TTC28: variants seen among roughly 807,000 people sequenced by gnomAD.
TTC28 encodes tetratricopeptide repeat domain 28, also known as tetratricopeptide repeat protein 28.
In TTC28, 61 loss-of-function variants were observed where a neutral mutation model predicts 198.0. The observed-to-expected ratio is 0.31, with a 90% confidence interval of 0.25 to 0.38. The LOEUF (loss-of-function observed/expected upper bound fraction) is 0.38. Ranked by LOEUF, TTC28 falls within the 10% of genes least tolerant of loss-of-function variation. The pLI is 1.00. For missense variants in TTC28, 2,678 were observed against 3,164.0 expected, an observed-to-expected ratio of 0.85 and a Z score of 3.69; for synonymous variants, 1,171 against 1,297.8, an observed-to-expected ratio of 0.90 and a Z score of 2.10.
chr22:28,318,714 C>T (rs1326636183), intron 2 of TTC28, among the ~76,000 whole-genome samples: 1 of 151,148 alleles, frequency 6.6e-6, no homozygotes, highest in Non-Finnish European at 1.5e-5. Flanking sequence ...TTTTCTTTTC[C>T]TGTTTTTTCA....
intron 2 of TTC28, among the ~76,000 whole-genome samples, chr22:28,441,305 A>G (rs181500976): frequency 7.2e-5 from 11 of 152,334 alleles, no homozygotes; most frequent in African/African-American, 2.6e-4. Context: ...ATGCAATTAC[A>G]AATATAGAAG....
At chr22:28,552,769 C>T (rs914904123) in intron 2 of TTC28, among the ~76,000 whole-genome samples, 11 of 143,486 alleles carry the variant, frequency 7.7e-5, no homozygotes, top group African/African-American at 2.8e-4. Context: ...CTCCGCCTCC[C>T]CCTCCCCCTC....
At chr22:27,990,067 G>A in intron 20 of TTC28, 60 bp from the exon 21 acceptor site, 1 of 1,520,016 alleles carries the variant, frequency 6.6e-7, no homozygotes, top group Non-Finnish European at 8.9e-7. Context: ...CCCACCTCAA[G>A]ACTCGACCCA....
intron 6 of TTC28, among the ~76,000 whole-genome samples, chr22:28,147,535 ATTTTC>A (rs944595527): frequency 6.6e-6 from 1 of 152,080 alleles, no homozygotes; most frequent in African/African-American, 2.4e-5. Flanking sequence ...AATTTTAGAC[ATTTTC>A]TTTTGAGAGG....
intron 2 of TTC28, among the ~76,000 whole-genome samples, chr22:28,339,554 C>T (rs141024410): frequency 1.4e-4 from 21 of 152,308 alleles, no homozygotes; most frequent in East Asian, 1.4e-3. Flanking sequence ...TCAAGCTTCC[C>T]GGCCGCTTTG....
At chr22:28,131,749 C>T (rs868724203) in intron 6 of TTC28, among the ~76,000 whole-genome samples, 9 of 152,126 alleles carry the variant, frequency 5.9e-5, no homozygotes, top group African/African-American at 1.4e-4. Context: ...GGTGGTAATA[C>T]GTATTAGAAA....
At chr22:28,137,093 T>G (rs1341110056) in intron 6 of TTC28, among the ~76,000 whole-genome samples, 1 of 152,190 alleles carries the variant, frequency 6.6e-6, no homozygotes, top group Non-Finnish European at 1.5e-5. Flanking sequence ...TCAAACTGAC[T>G]GGCCACTAGC....
At chr22:28,356,200 C>T (rs1204277337) in intron 2 of TTC28, among the ~76,000 whole-genome samples, 1 of 152,174 alleles carries the variant, frequency 6.6e-6, no homozygotes, top group Admixed American at 6.5e-5. Context: ...ACTCCAGCTA[C>T]TACTCTCTTC....
intron 2 of TTC28, among the ~76,000 whole-genome samples, chr22:28,471,505 A>T (rs1191961491): frequency 6.6e-6 from 1 of 152,214 alleles, no homozygotes; most frequent in Non-Finnish European, 1.5e-5. Context: ...TTTGGTGAAG[A>T]AAATGCAGAG....
At chr22:28,069,474 G>A (rs1338091540) in intron 12 of TTC28, among the ~76,000 whole-genome samples, 1 of 152,168 alleles carries the variant, frequency 6.6e-6, no homozygotes, top group Non-Finnish European at 1.5e-5. Flanking sequence ...CTAATAGGAA[G>A]TGAGAGCTAA....
At chr22:28,217,478 T>G (rs1359245019) in intron 5 of TTC28, among the ~76,000 whole-genome samples, 1 of 152,194 alleles carries the variant, frequency 6.6e-6, no homozygotes. Flanking sequence ...GTATATAATC[T>G]CCTAATATCA....
chr22:28,591,034 CACACACATATATAT>C (rs1407688109), intron 2 of TTC28, among the ~76,000 whole-genome samples: 564 of 47,870 alleles, frequency 0.012, no homozygotes, highest in Admixed American at 0.015. Flanking sequence ...CACACACACA[CACACACATATATAT>C]ATATATATAT....
intron 12 of TTC28, among the ~76,000 whole-genome samples, chr22:28,048,827 C>T (rs1386714825): frequency 6.6e-6 from 1 of 152,168 alleles, no homozygotes; most frequent in Non-Finnish European, 1.5e-5. Context: ...AGGCCATTCT[C>T]TTGACCTAGA....
Position 28,098,963 on chromosome 22 carries a change from G to C in TTC28, c.3499C>G (p.Leu1167Val). The change falls in exon 10 of 23, where the codon CTG (leucine) becomes GTG (valine). Residue 1167 changes from leucine to valine, a missense_variant. Physicochemically the swap from Leu to Val is conservative, Grantham distance 32. Transcript: ENST00000397906. Reference protein sequence around the residue: ...STDYKLSLFDLQTSSYQALQR... With the variant: ...STDYKLSLFDVQTSSYQALQR... ...AAGGCCTGGTAGGATGATGTCTGCA[G>C]GTCAAAGAGGGAGAGTTTGTAGTCC... 1 of 1,551,840 alleles carries C rather than the reference G, an allele frequency of 6.4e-7. No individual in the cohort carries two copies. Among genetic ancestry groups the C allele is most frequent in the South Asian group, 1.2e-5 (1 of 84,060 alleles).
Position 28,052,314 on chromosome 22 carries a change from C to T in TTC28, c.3933-21948G>A, listed in dbSNP as rs144850591. Among the ~76,000 whole-genome samples the T allele has an allele frequency of 9.3e-3, 1,412 of 152,228 alleles. 25 individuals carry two copies. Among genetic ancestry groups the T allele is most frequent in the African/African-American group, 0.032 (1,314 of 41,522 alleles). ...TAGTGACCCTTTATCATGTGCCAGG[C>T]ATTTCCTAAATTTCCTCACAATGAC... is the stretch of plus-strand genomic sequence containing the variant. On this transcript the variant is annotated intron_variant, in intron 12 of 22. Coordinates refer to ENST00000397906, the MANE Select transcript of TTC28 (RefSeq NM_001145418.2).
intron 2 of TTC28, among the ~76,000 whole-genome samples, chr22:28,392,848 C>G (rs1328487854): frequency 1.4e-5 from 2 of 147,428 alleles, no homozygotes; most frequent in Non-Finnish European, 3.0e-5. Flanking sequence ...TGCTCCTATT[C>G]GGCCATCTTG....
At position 28,215,087 on chromosome 22, in the gene TTC28, A is replaced by G. The variant is rs564769295; in HGVS notation, c.934-51488T>C. On this transcript the variant is annotated intron_variant, in intron 5 of 22. Coordinates refer to ENST00000397906, the MANE Select transcript of TTC28 (RefSeq NM_001145418.2). ...AATAGGTGGGAACTGAACAATGAGA[A>G]CACTTGCACACAGGGTGGGGAACAT... 3.3e-5 allele frequency among the ~76,000 whole-genome samples: 5 copies of G among 151,978 alleles called. No individual in the cohort carries two copies. The East Asian group carries it at 9.7e-4, about 29-fold the overall frequency.
chr22:28,485,891 C>T (rs2048309278), intron 2 of TTC28, among the ~76,000 whole-genome samples: 1 of 151,988 alleles, frequency 6.6e-6, no homozygotes, highest in African/African-American at 2.4e-5. Flanking sequence ...TCAAATGTGG[C>T]TCCAAAATCA....
intron 13 of TTC28, among the ~76,000 whole-genome samples, chr22:28,017,002 G>A (rs1170313809): frequency 6.6e-6 from 1 of 152,218 alleles, no homozygotes; most frequent in African/African-American, 2.4e-5. Flanking sequence ...TTCAAAAGAG[G>A]AAAATGTCTG....
Sources: allele counts gnomAD v4.1 joint callset (sites outside exome capture counted in the v4.1 genomes callset), GRCh38; gene constraint gnomAD v4.1.1; transcripts MANE v1.5; gene names NCBI Gene and HGNC (gene_info 2026-07-23, HGNC 2026-07-21).